Variants in P2RX7 observed in about 807,000 individuals in gnomAD.
P2RX7 encodes the protein purinergic receptor P2X 7, also known as P2X purinoceptor 7.
In P2RX7, 62 loss-of-function variants were observed where a neutral mutation model predicts 71.6. The ratio of observed to expected loss-of-function variants is 0.87; its 90% CI spans 0.71 to 1.07. The LOEUF is 1.07. Ranked by LOEUF, P2RX7 falls within the 50% of genes least tolerant of loss-of-function variation. P2RX7 has a pLI of 0.00. For missense variants in P2RX7, 686 were observed against 748.5 expected, an observed-to-expected ratio of 0.92 and a Z score of 0.97; for synonymous variants, 299 against 283.3, an observed-to-expected ratio of 1.06 and a Z score of -0.56.
In P2RX7 at chr12:121,187,893, A is replaced by C. The variant is rs916078424; in HGVS notation, c.*3091A>C. The C allele has an allele frequency of 1.3e-5, 2 of 152,144 alleles. No homozygotes were observed. The highest frequency in any genetic ancestry group is 2.9e-5 in the Non-Finnish European group (2 of 68,038). The allele number at this position is 152,144 out of a possible 1,614,324, so 9.4% of individuals were successfully genotyped here. On this transcript the variant is annotated 3_prime_UTR_variant, in exon 13 of 13. Coordinates refer to ENST00000328963, the MANE Select transcript of P2RX7 (RefSeq NM_002562.6). ...GAAGGGATCTGCTTTCTCTTGGCTG[A>C]TTTCACATAGCATTGGTAATAGACA...
At chr12:121,165,693 C>T (rs1023576484) in intron 6 of P2RX7, among the ~76,000 whole-genome samples, 3 of 152,180 alleles carry the variant, frequency 2.0e-5, no homozygotes, top group Non-Finnish European at 2.9e-5. Flanking sequence ...CACAGTTGCT[C>T]GTGGGAGAGC....
intron 1 of P2RX7, among the ~76,000 whole-genome samples, chr12:121,146,723 A>C (rs150006133): frequency 9.8e-5 from 15 of 152,300 alleles, no homozygotes; most frequent in African/African-American, 3.6e-4. Flanking sequence ...CTATGGACTT[A>C]ATGTCTTAGG....
At chr12:121,133,369 T>C (rs961375507) in intron 1 of P2RX7, among the ~76,000 whole-genome samples, 2 of 151,992 alleles carry the variant, frequency 1.3e-5, no homozygotes, top group African/African-American at 4.8e-5. Flanking sequence ...CTGGGGAAGG[T>C]AGGAAAGCGC....
At chr12:121,163,117 A>G (rs1187636183) in intron 5 of P2RX7, among the ~76,000 whole-genome samples, 1 of 152,172 alleles carries the variant, frequency 6.6e-6, no homozygotes, top group East Asian at 1.9e-4. Flanking sequence ...ATTTCAGCAG[A>G]GAATAGTTAG....
At chr12:121,160,126 TTTTC>T (rs533127688) in intron 3 of P2RX7, among the ~76,000 whole-genome samples, 36 of 151,656 alleles carry the variant, frequency 2.4e-4, no homozygotes, top group South Asian at 8.3e-4. Flanking sequence ...CTTTCTTTCT[TTTTC>T]TTTCTTTCTT....
chr12:121,185,049 C>A lies in P2RX7; in HGVS notation c.*247C>A. The A allele has an allele frequency of 2.6e-6, 1 of 389,602 alleles. No individual in the cohort carries two copies. The highest frequency in any genetic ancestry group is 4.4e-5 in the South Asian group (1 of 22,644). The allele number at this position is 389,602 out of a possible 1,614,324, so 24.1% of individuals were successfully genotyped here. On this transcript the variant is annotated 3_prime_UTR_variant, in exon 13 of 13. Coordinates refer to ENST00000328963, the MANE Select transcript of P2RX7 (RefSeq NM_002562.6). Reference sequence around the variant, plus strand: ...GTAGTGAGCCCAGATTGTGCCACTGCTCTCCAGCCTGGGAGGCACAGCAAA... The same window carrying A: ...GTAGTGAGCCCAGATTGTGCCACTGATCTCCAGCCTGGGAGGCACAGCAAA...
chr12:121,152,167 G>A (rs901326947), intron 1 of P2RX7, among the ~76,000 whole-genome samples: 2 of 151,966 alleles, frequency 1.3e-5, no homozygotes, highest in Non-Finnish European at 2.9e-5. Context: ...TTTTAGTAGA[G>A]AGAGGGTTTC....
At chr12:121,142,541 C>G (rs556221757) in intron 1 of P2RX7, among the ~76,000 whole-genome samples, 7 of 152,070 alleles carry the variant, frequency 4.6e-5, no homozygotes, top group African/African-American at 1.7e-4. Flanking sequence ...GGAGTCTCAC[C>G]GTCTTGCCCA....
At position 121,180,426 on chromosome 12, in the gene P2RX7, C is replaced by A; in HGVS notation, c.1261C>A (p.Leu421Met). Reference protein sequence around the residue: ...MVNQQLLGRSLQDVKGQEVPR... With the variant: ...MVNQQLLGRSMQDVKGQEVPR... ...GAACCAGCAGCTACTAGGGAGAAGT[C>A]TGCAAGATGTCAAGGGCCAAGAAGT... The change falls in exon 12 of 13, where the codon CTG (leucine) becomes ATG (methionine). Residue 421 changes from leucine to methionine, a missense_variant. Transcript: ENST00000328963. The A allele has an allele frequency of 6.2e-7, 1 of 1,601,038 alleles. No individual in the cohort carries two copies. The highest frequency in any genetic ancestry group is 8.5e-7 in the Non-Finnish European group (1 of 1,172,706).
Position 121,175,138 on chromosome 12 carries a change from C to T in P2RX7, c.882-250C>T, listed in dbSNP as rs3751148. Among the ~76,000 whole-genome samples, 4,162 of 151,782 alleles carry T rather than the reference C, an allele frequency of 0.027. 460 individuals carry two copies. In the East Asian group the frequency reaches 0.37, roughly 14 times the overall value. On this transcript the variant is annotated intron_variant, in intron 8 of 12. Transcript: ENST00000328963. ...CAGCCTGGGCAACATGGCAAAAGCC[C>T]GTCTCTACAAAAAATACAAAAAATT...
chr12:121,135,450 G>A (rs1873350122), intron 1 of P2RX7, among the ~76,000 whole-genome samples: 2 of 151,758 alleles, frequency 1.3e-5, no homozygotes, highest in African/African-American at 4.8e-5. Flanking sequence ...AAGTAACCAC[G>A]TCCAAGTTCA....
chr12:121,134,802 T>C (rs962038779), intron 1 of P2RX7, among the ~76,000 whole-genome samples: 3 of 152,196 alleles, frequency 2.0e-5, no homozygotes, highest in Non-Finnish European at 2.9e-5. Flanking sequence ...TCTGTGCTGA[T>C]TGATAATGAT....
At chr12:121,147,390 G>A (rs1293915423) in intron 1 of P2RX7, among the ~76,000 whole-genome samples, 3 of 152,094 alleles carry the variant, frequency 2.0e-5, no homozygotes, top group Admixed American at 1.3e-4. Flanking sequence ...TTAGCAAAAT[G>A]GACTTAGAAG....
intron 8 of P2RX7, among the ~76,000 whole-genome samples, chr12:121,174,073 A>G (rs528741902): frequency 8.6e-6 from 1 of 116,416 alleles, no homozygotes; most frequent in Admixed American, 1.0e-4. Flanking sequence ...TTTTTGAGAC[A>G]GTCTTGCTCT....
intron 6 of P2RX7, among the ~76,000 whole-genome samples, chr12:121,165,686 A>C (rs1474761950): frequency 6.6e-6 from 1 of 152,166 alleles, no homozygotes; most frequent in Admixed American, 6.5e-5. Flanking sequence ...GCTCTCACAC[A>C]GTTGCTCGTG....
intron 5 of P2RX7, among the ~76,000 whole-genome samples, chr12:121,163,350 A>G (rs892691998): frequency 2.3e-4 from 29 of 127,362 alleles, no homozygotes; most frequent in African/African-American, 6.6e-4. Context: ...ACACACACAC[A>G]CACACACGCA....
intron 8 of P2RX7, among the ~76,000 whole-genome samples, chr12:121,168,971 AT>A (rs796720860): frequency 4.0e-5 from 6 of 150,906 alleles, no homozygotes; most frequent in East Asian, 1.9e-4. Context: ...ATAATGTTTC[AT>A]TTTTTTTTCT....
intron 1 of P2RX7, among the ~76,000 whole-genome samples, chr12:121,143,713 G>A (rs1875511807): frequency 6.6e-6 from 1 of 152,008 alleles, no homozygotes; most frequent in Non-Finnish European, 1.5e-5. Context: ...AGCTGGGCAT[G>A]GTGGCAGGCA....
At chr12:121,133,904 T>A (rs1592978497) in intron 1 of P2RX7, among the ~76,000 whole-genome samples, 1 of 151,052 alleles carries the variant, frequency 6.6e-6, no homozygotes, top group Non-Finnish European at 1.5e-5. Context: ...TTTTTTTTTT[T>A]AAAGAGACGG....
Sources: gnomAD v4.1 joint callset for allele counts (sites outside exome capture counted in the v4.1 genomes callset) on GRCh38, gnomAD v4.1.1 for gene constraint, MANE v1.5 for transcripts, NCBI Gene and HGNC (gene_info 2026-07-23, HGNC 2026-07-21) for gene names.